Variants in KDM5B observed in about 807,000 individuals in gnomAD.
KDM5B encodes lysine demethylase 5B, also known as lysine-specific demethylase 5B.
A neutral mutation model predicts 193.4 loss-of-function variants in KDM5B; 144 were observed. The ratio of observed to expected loss-of-function variants is 0.74; its 90% confidence interval spans 0.65 to 0.86. KDM5B has a LOEUF of 0.86. Among genes scored for constraint, KDM5B ranks in the 40% least tolerant of loss-of-function variants. KDM5B has a pLI of 0.00. For missense variants in KDM5B, 1,833 were observed against 1,886.9 expected, an observed-to-expected ratio of 0.97 and a Z score of 0.53; for synonymous variants, 668 against 682.6, an observed-to-expected ratio of 0.98 and a Z score of 0.33.
At position 202,728,924 on chromosome 1, in the gene KDM5B, C is replaced by A. The variant is rs1654767887; in HGVS notation, c.*112G>T. On this transcript the variant is annotated 3_prime_UTR_variant, in exon 27 of 27. Coordinates refer to ENST00000367265, the MANE Select transcript of KDM5B (RefSeq NM_006618.5). ...ATCCCATAAGGAATAGAAATAGCAC[C>A]GTTTACAGGCTGGCTTGAGTACCAG... 8.1e-7 allele frequency: 1 copy of A among 1,238,818 alleles called. No homozygotes were observed. 76.7% of individuals were successfully genotyped at this position (1,238,818 alleles called of 1,614,324 possible).
rs752167915 is a variant in KDM5B, at chr1:202,756,392, C to T, written c.1322G>A (p.Arg441Gln). 11 of 1,612,526 alleles carry T rather than the reference C, an allele frequency of 6.8e-6. No homozygotes were observed. Among genetic ancestry groups the T allele is most frequent in the Admixed American group, 1.7e-5 (1 of 59,714 alleles). Residue 441 changes from arginine to glutamine, a missense_variant, in exon 10 of 27, where the codon CGA becomes CAA. Transcript: ENST00000367265. Reference sequence around the variant, plus strand: ...AGGTGAGAGTTTGATTTTCCCATCTCGGACAGGAAAGCCACTGCCAAATTC... The same window carrying T: ...AGGTGAGAGTTTGATTTTCCCATCTTGGACAGGAAAGCCACTGCCAAATTC... Reference protein sequence around the residue: ...SKEFGSGFPVRDGKIKLSPEE... With the variant: ...SKEFGSGFPVQDGKIKLSPEE...
In KDM5B at chr1:202,808,375, G is replaced by T; in HGVS notation, c.-70C>A. On this transcript the variant is annotated 5_prime_UTR_variant, in exon 1 of 27. Coordinates refer to ENST00000367265, the MANE Select transcript of KDM5B (RefSeq NM_006618.5). Reference sequence around the variant, plus strand: ...CGAGGCTGCGAGCTCCGCTCGGTCCGAGACCCGTGCAGACGCGGCTCGAGC... The same window carrying T: ...CGAGGCTGCGAGCTCCGCTCGGTCCTAGACCCGTGCAGACGCGGCTCGAGC... 7.1e-7 allele frequency: 1 copy of T among 1,400,424 alleles called. No homozygotes were observed. Among genetic ancestry groups the T allele is most frequent in the South Asian group, 1.4e-5 (1 of 70,572 alleles). 86.7% of individuals were successfully genotyped at this position (1,400,424 alleles called of 1,614,324 possible). A position where few individuals can be genotyped will look rare whatever the true frequency, so the allele number is the denominator to read the frequency against.
At chr1:202,732,054 AAAAC>A in intron 23 of KDM5B, 115 bp from the exon 24 acceptor site, 26 of 668,924 alleles carry the variant, frequency 3.9e-5, no homozygotes, top group Middle Eastern at 3.5e-4. Context: ...AAAAAAAAAA[AAAAC>A]AACTTGATTT....
intron 5 of KDM5B, 88 bp downstream of exon 5, chr1:202,766,838 G>GCA (rs1345124704): frequency 7.2e-7 from 1 of 1,387,692 alleles, no homozygotes; most frequent in African/African-American, 1.5e-5. Flanking sequence ...ACTACAAAGA[G>GCA]CACACACATG....
Position 202,728,819 on chromosome 1 carries a change from G to A in KDM5B, c.*217C>T. ...TTTCAAACCTCAACAACCACAAATA[G>A]CTCTTAAGGAAAAAATACAAAAAGT... On this transcript the variant is annotated 3_prime_UTR_variant, in exon 27 of 27. Transcript: ENST00000367265. The A allele has an allele frequency of 2.0e-6, 1 of 508,260 alleles. No homozygotes were observed. Among genetic ancestry groups the A allele is most frequent in the South Asian group, 3.0e-5 (1 of 33,762 alleles). The allele number at this position is 508,260 out of a possible 1,614,324, so 31.5% of individuals were successfully genotyped here. A position where few individuals can be genotyped will look rare whatever the true frequency, so the allele number is the denominator to read the frequency against.
chr1:202,790,090 CCT>C (rs1196332915), intron 1 of KDM5B, among the ~76,000 whole-genome samples: 1 of 151,930 alleles, frequency 6.6e-6, no homozygotes, highest in Non-Finnish European at 1.5e-5. Context: ...ATGGAGAAAC[CCT>C]GTTTCTACTA....
At position 202,731,598 on chromosome 1, in the gene KDM5B, T is replaced by A. The variant is rs548372396; in HGVS notation, c.4021+230A>T. 2.0e-5 allele frequency among the ~76,000 whole-genome samples: 3 copies of A among 152,234 alleles called. No homozygotes were observed. In the South Asian group the frequency reaches 6.2e-4, roughly 32 times the overall value. ...TTGGTGTTTATCAGCTGGTGTGGCA[T>A]GAACCCTTTCATCCCTGAGGACAAT... On this transcript the variant is annotated intron_variant, in intron 24 of 26. Coordinates refer to ENST00000367265, the MANE Select transcript of KDM5B (RefSeq NM_006618.5).
rs752240478 is a variant in KDM5B at position 202,774,636 on chromosome 1, A to G, written c.382T>C (p.Leu128=). 6.2e-7 allele frequency: 1 copy of G among 1,612,622 alleles called. No individual in the cohort carries two copies. Among genetic ancestry groups the G allele is most frequent in the Admixed American group, 1.7e-5 (1 of 59,996 alleles). ...ACCTTATTAAGCTGAAATAAGTCCA[A>G]GATCTTCCTCTCCACATGTGGAATT... is the stretch of plus-strand genomic sequence containing the variant. ...LKIPHVERKI[L]DLFQLNKLVA... is the part of the protein sequence containing the mutation. Residue 128 remains leucine (L), a synonymous_variant, in exon 3 of 27, where the codon TTG becomes CTG. Coordinates refer to ENST00000367265, the MANE Select transcript of KDM5B (RefSeq NM_006618.5).
At chr1:202,783,652 C>T (rs962863500) in intron 1 of KDM5B, among the ~76,000 whole-genome samples, 2 of 152,102 alleles carry the variant, frequency 1.3e-5, no homozygotes, top group African/African-American at 4.8e-5. Context: ...CCGAGGCAGG[C>T]GGATCATGAG....
At chr1:202,771,257 A>C (rs1321513550) in intron 4 of KDM5B, among the ~76,000 whole-genome samples, 1 of 152,136 alleles carries the variant, frequency 6.6e-6, no homozygotes, top group African/African-American at 2.4e-5. Flanking sequence ...TCTCATTCTG[A>C]GTCTCATTCT....
intron 1 of KDM5B, among the ~76,000 whole-genome samples, chr1:202,778,232 G>A (rs1572757933): frequency 1.3e-5 from 2 of 151,982 alleles, no homozygotes; most frequent in East Asian, 3.9e-4. Flanking sequence ...GTTCTCTAGA[G>A]GAGAATTTTC....
intron 1 of KDM5B, among the ~76,000 whole-genome samples, chr1:202,804,417 G>A (rs911528008): frequency 1.3e-5 from 2 of 152,272 alleles, no homozygotes; most frequent in East Asian, 1.9e-4. Flanking sequence ...TTAGGCCTAA[G>A]TCGATCAAAC....
chr1:202,803,979 T>C (rs949446052), intron 1 of KDM5B, among the ~76,000 whole-genome samples: 7 of 150,994 alleles, frequency 4.6e-5, no homozygotes, highest in Admixed American at 3.3e-4. Context: ...ATATACCTAA[T>C]GTAAATGATG....
chr1:202,776,978 C>G, intron 2 of KDM5B, 39 bp downstream of exon 2: 1 of 1,305,788 alleles, frequency 7.7e-7, no homozygotes, highest in Admixed American at 1.7e-5. Context: ...GACGGTCCCC[C>G]TGGAATACAG....
At chr1:202,768,491 T>A (rs1475820436) in intron 4 of KDM5B, among the ~76,000 whole-genome samples, 1 of 152,036 alleles carries the variant, frequency 6.6e-6, no homozygotes, top group Non-Finnish European at 1.5e-5. Flanking sequence ...CCCCTCACAT[T>A]TGCAGAAATA....
At chr1:202,758,032 G>C (rs1383834953) in intron 9 of KDM5B, among the ~76,000 whole-genome samples, 2 of 152,104 alleles carry the variant, frequency 1.3e-5, no homozygotes, top group African/African-American at 4.8e-5. Flanking sequence ...TACAACAAAT[G>C]TGTTCCCAAT....
In KDM5B at chr1:202,770,463, T is replaced by C. The variant is rs551358330; in HGVS notation, c.576+2655A>G. Among the ~76,000 whole-genome samples the C allele has an allele frequency of 2.6e-3, 389 of 152,304 alleles. 1 individual carries two copies. Among genetic ancestry groups the C allele is most frequent in the Non-Finnish European group, 4.5e-3 (307 of 68,026 alleles). Reference sequence around the variant, plus strand: ...TTCTTAAGTATATGTTCTTCAATTCTTCTCTCCCTAATAACTATTTCAAAA... The same window carrying C: ...TTCTTAAGTATATGTTCTTCAATTCCTCTCTCCCTAATAACTATTTCAAAA... On this transcript the variant is annotated intron_variant, in intron 4 of 26. Coordinates refer to ENST00000367265, the MANE Select transcript of KDM5B (RefSeq NM_006618.5).
intron 21 of KDM5B, among the ~76,000 whole-genome samples, chr1:202,735,960 T>A (rs1037001707): frequency 2.6e-5 from 4 of 152,102 alleles, no homozygotes; most frequent in African/African-American, 7.2e-5. Context: ...AGTTTAAGAG[T>A]CCAATTTCAA....
intron 23 of KDM5B, 54 bp from the exon 24 acceptor site, chr1:202,731,993 C>G: frequency 8.4e-7 from 1 of 1,186,986 alleles, no homozygotes; most frequent in East Asian, 2.4e-5. Flanking sequence ...AAAAATACTC[C>G]CATTAGTCCA....
Sources: allele counts gnomAD v4.1 joint callset (sites outside exome capture counted in the v4.1 genomes callset), GRCh38; gene constraint gnomAD v4.1.1; transcripts MANE v1.5; gene names NCBI Gene and HGNC (gene_info 2026-07-23, HGNC 2026-07-21).